The following ANKS3 variants were observed in gnomAD, a reference collection of about 807,000 sequenced individuals.
ANKS3 encodes ankyrin repeat and SAM domain-containing protein 3.
ANKS3 carries 62 observed loss-of-function variants against 80.7 expected under a neutral mutation model. That is an observed-to-expected ratio of 0.77 (90% CI 0.63 to 0.95). The LOEUF is 0.95. ANKS3 is among the 40% of genes least tolerant of loss of function. ANKS3 has a pLI of 0.00. For synonymous variants in ANKS3, 489 were observed against 355.3 expected (o/e 1.38, Z -4.23); for missense variants, 1,150 against 883.6 (o/e 1.30, Z -3.82).
At chr16:4,716,365 A>G (rs2142099052) in intron 6 of ANKS3, among the ~76,000 whole-genome samples, 1 of 150,756 alleles carries the variant, frequency 6.6e-6, no homozygotes, top group South Asian at 2.1e-4. Flanking sequence ...CAACTCAAAA[A>G]AAAAAAAAAA....
intron 6 of ANKS3, chr16:4,714,424 C>G: frequency 3.5e-6 from 2 of 568,640 alleles, no homozygotes; most frequent in Admixed American, 3.5e-5. Context: ...AGTCATCTCC[C>G]ACGCTCATGA....
intron 6 of ANKS3, among the ~76,000 whole-genome samples, chr16:4,718,572 C>A (rs148615115): frequency 6.6e-6 from 1 of 152,350 alleles, no homozygotes; most frequent in Non-Finnish European, 1.5e-5. Context: ...TGGAGCCCAG[C>A]TCTGGAGGGA....
intron 10 of ANKS3, 114 bp downstream of exon 10, chr16:4,701,320 A>G (rs1282961893): frequency 3.0e-6 from 4 of 1,323,740 alleles, no homozygotes; most frequent in Non-Finnish European, 4.1e-6. Flanking sequence ...CCAGTGCAGC[A>G]CACACGTGCA....
chr16:4,732,519 C>T (rs1183972278), intron 1 of ANKS3, among the ~76,000 whole-genome samples: 1 of 152,064 alleles, frequency 6.6e-6, no homozygotes, highest in East Asian at 1.9e-4. Context: ...CCCATCTTTA[C>T]TAAAATTACA....
intron 11 of ANKS3, 125 bp from the exon 12 acceptor site, chr16:4,699,301 C>T: frequency 7.6e-7 from 1 of 1,312,672 alleles, no homozygotes; most frequent in South Asian, 1.4e-5. Flanking sequence ...GTGTGTGGCG[C>T]CCAGGCTGTC....
intron 8 of ANKS3, among the ~76,000 whole-genome samples, chr16:4,702,527 T>G (rs2079973814): frequency 6.6e-6 from 1 of 152,110 alleles, no homozygotes; most frequent in African/African-American, 2.4e-5. Flanking sequence ...TCAGCTGTAT[T>G]TACAGATGCC....
At chr16:4,698,115 A>T (rs1247703505) in intron 14 of ANKS3, 53 bp from the exon 15 acceptor site, 1 of 1,526,326 alleles carries the variant, frequency 6.6e-7, no homozygotes, top group African/African-American at 1.4e-5. Flanking sequence ...GCCGCTGCAG[A>T]GCCCCCACCT....
At chr16:4,721,414 G>A (rs1213549465) in intron 6 of ANKS3, among the ~76,000 whole-genome samples, 1 of 150,658 alleles carries the variant, frequency 6.6e-6, no homozygotes, top group Non-Finnish European at 1.5e-5. Flanking sequence ...TTCAAGACCA[G>A]CCTGGGCAAC....
chr16:4,726,808 C>A (rs200092851), intron 4 of ANKS3, 28 bp from the exon 5 acceptor site: 1 of 1,607,674 alleles, frequency 6.2e-7, no homozygotes, highest in Non-Finnish European at 8.5e-7. Flanking sequence ...ACGTGCGTTA[C>A]GGCCTCATCT....
chr16:4,729,872 T>A, intron 3 of ANKS3, 108 bp downstream of exon 3: 1 of 1,149,682 alleles, frequency 8.7e-7, no homozygotes, highest in Non-Finnish European at 1.1e-6. Context: ...GTTAACCTAT[T>A]CTACACGCAT....
intron 7 of ANKS3, among the ~76,000 whole-genome samples, chr16:4,709,046 G>A (rs1406703688): frequency 2.6e-5 from 4 of 151,970 alleles, no homozygotes; most frequent in African/African-American, 9.7e-5. Flanking sequence ...TGGGAGGATC[G>A]CTTGGGCCCA....
At chr16:4,715,103 T>C (rs1206255125) in intron 6 of ANKS3, among the ~76,000 whole-genome samples, 2 of 151,654 alleles carry the variant, frequency 1.3e-5, no homozygotes, top group African/African-American at 2.4e-5. Flanking sequence ...AGTTCTGTTA[T>C]TGCCATAGAT....
chr16:4,700,948 C>T, intron 11 of ANKS3, 22 bp downstream of exon 11: 1 of 1,613,670 alleles, frequency 6.2e-7, no homozygotes. Context: ...AGTGTAACCT[C>T]CAGTTTCACA....
chr16:4,707,975 C>A (rs1226697541), intron 7 of ANKS3, among the ~76,000 whole-genome samples: 5 of 151,966 alleles, frequency 3.3e-5, no homozygotes, highest in Non-Finnish European at 7.4e-5. Context: ...ATGAGCCAGG[C>A]GTGGTGGCAG....
At chr16:4,701,947 C>A (rs1010919690) in intron 9 of ANKS3, 155 bp downstream of exon 9, 6 of 931,920 alleles carry the variant, frequency 6.4e-6, no homozygotes, top group Non-Finnish European at 9.2e-6. Context: ...TTCTCCCATT[C>A]CTCACAAGAA....
rs149421368 is a variant in ANKS3 at position 4,726,403 on chromosome 16, A to T, written c.491+256T>A. Among the ~76,000 whole-genome samples the T allele has an allele frequency of 4.6e-5, 7 of 152,368 alleles. No homozygotes were observed. The East Asian group carries it at 1.2e-3, about 25-fold the overall frequency. The stretch of plus-strand genomic sequence containing the variant: ...TTAGGCCCCTGGCATACAATAAAAC[A>T]TGTAATTCTTACAACTGTATGACCC... On this transcript the variant is annotated intron_variant, in intron 5 of 17. Coordinates refer to ENST00000304283, the MANE Select transcript of ANKS3 (RefSeq NM_133450.4).
intron 8 of ANKS3, among the ~76,000 whole-genome samples, chr16:4,702,748 A>G (rs2142040249): frequency 6.6e-6 from 1 of 152,208 alleles, no homozygotes; most frequent in East Asian, 1.9e-4. Context: ...AACAACAATA[A>G]TATGAAATTA....
intron 7 of ANKS3, among the ~76,000 whole-genome samples, chr16:4,708,938 CAA>C (rs1174728403): frequency 6.3e-5 from 8 of 127,192 alleles, no homozygotes; most frequent in Admixed American, 8.1e-5. Flanking sequence ...GACTCTGTCT[CAA>C]AAAAAAAAAA....
intron 1 of ANKS3, among the ~76,000 whole-genome samples, chr16:4,732,861 T>C (rs536558536): frequency 6.6e-5 from 10 of 152,188 alleles, no homozygotes; most frequent in Non-Finnish European, 1.3e-4. Context: ...AATGTGGTAC[T>C]TAGACACAAT....
Sources: allele counts gnomAD v4.1 joint callset (sites outside exome capture counted in the v4.1 genomes callset), GRCh38; gene constraint gnomAD v4.1.1; transcripts MANE v1.5; gene names NCBI Gene and HGNC (gene_info 2026-07-23, HGNC 2026-07-21).